BICC1: variants seen among roughly 807,000 people sequenced by gnomAD.
BICC1 encodes the protein BicC family RNA binding protein 1.
In BICC1, 43 loss-of-function variants were observed where a neutral mutation model predicts 111.0. That is an observed-to-expected ratio of 0.39 (90% CI 0.30 to 0.50). The LOEUF is 0.50. Ranked by LOEUF, BICC1 falls within the 20% of genes least tolerant of loss-of-function variation. The pLI, the probability that BICC1 is intolerant of heterozygous loss-of-function variation, is 0.88. For missense variants in BICC1, 1,091 were observed against 1,203.2 expected (o/e 0.91, Z 1.38); for synonymous variants, 467 against 434.4 (o/e 1.07, Z -0.93).
At chr10:58,710,736 T>C (rs1233223924) in intron 3 of BICC1, among the ~76,000 whole-genome samples, 1 of 152,046 alleles carries the variant, frequency 6.6e-6, no homozygotes, top group East Asian at 1.9e-4. Context: ...TACATGTATA[T>C]GTGTGTGTGT....
chr10:58,808,981 C>T (rs185783046), intron 17 of BICC1, among the ~76,000 whole-genome samples: 292 of 151,206 alleles, frequency 1.9e-3, no homozygotes, highest in Admixed American at 7.0e-3. Flanking sequence ...TCCCAAAGTG[C>T]TAGGATTACA....
intron 2 of BICC1, among the ~76,000 whole-genome samples, chr10:58,625,085 C>T (rs981860886): frequency 1.2e-4 from 18 of 152,262 alleles, no homozygotes; most frequent in Admixed American, 2.0e-4. Flanking sequence ...TTTTATTCTT[C>T]GGCTCTGACT....
intron 2 of BICC1, among the ~76,000 whole-genome samples, chr10:58,680,258 C>G (rs1378739956): frequency 6.6e-6 from 1 of 151,484 alleles, no homozygotes; most frequent in African/African-American, 2.4e-5. Flanking sequence ...AGATGACATG[C>G]CTGTATATGT....
At chr10:58,599,172 A>G (rs991791132) in intron 1 of BICC1, among the ~76,000 whole-genome samples, 8 of 152,204 alleles carry the variant, frequency 5.3e-5, no homozygotes, top group Non-Finnish European at 1.2e-4. Context: ...AGGATTATAA[A>G]TCATTCTACT....
chr10:58,804,219 A>T (rs1397329056), intron 15 of BICC1, among the ~76,000 whole-genome samples: 1 of 152,128 alleles, frequency 6.6e-6, no homozygotes. Flanking sequence ...GTCAGTGTTT[A>T]AAAAAGACAT....
intron 2 of BICC1, among the ~76,000 whole-genome samples, chr10:58,629,458 T>C (rs868710918): frequency 1.3e-5 from 2 of 152,224 alleles, no homozygotes; most frequent in Non-Finnish European, 2.9e-5. Context: ...TAATGGGCTA[T>C]GCATCTATAG....
chr10:58,652,948 A>G (rs1838497220), intron 2 of BICC1, among the ~76,000 whole-genome samples: 1 of 152,138 alleles, frequency 6.6e-6, no homozygotes, highest in Non-Finnish European at 1.5e-5. Flanking sequence ...GTACACATGG[A>G]GGCTGAGCAG....
At chr10:58,798,891 C>G (rs1843445190) in intron 11 of BICC1, among the ~76,000 whole-genome samples, 165 bp from the exon 12 acceptor site, 2 of 152,210 alleles carry the variant, frequency 1.3e-5, no homozygotes, top group South Asian at 4.2e-4. Context: ...GATTTTAACA[C>G]TCTTTTGTGT....
chr10:58,671,638 C>A (rs151231263), intron 2 of BICC1, among the ~76,000 whole-genome samples: 4 of 152,102 alleles, frequency 2.6e-5, no homozygotes, highest in African/African-American at 9.7e-5. Context: ...TTAACTACTT[C>A]CATGCTTCCC....
chr10:58,601,991 T>C (rs1845057690), intron 1 of BICC1, among the ~76,000 whole-genome samples: 1 of 152,140 alleles, frequency 6.6e-6, no homozygotes, highest in Non-Finnish European at 1.5e-5. Flanking sequence ...CAGAACTTGA[T>C]AGAGCATTGC....
chr10:58,795,883 T>A (rs576182133), intron 9 of BICC1, among the ~76,000 whole-genome samples: 1 of 152,256 alleles, frequency 6.6e-6, no homozygotes, highest in East Asian at 1.9e-4. Flanking sequence ...TTATATGTGG[T>A]CACAAGTTTG....
chr10:58,639,042 A>T (rs1838040064), intron 2 of BICC1, among the ~76,000 whole-genome samples: 1 of 152,114 alleles, frequency 6.6e-6, no homozygotes, highest in Non-Finnish European at 1.5e-5. Flanking sequence ...AATCAAGCTA[A>T]TTAACGTATG....
At chr10:58,773,130 T>A (rs951447094) in intron 3 of BICC1, among the ~76,000 whole-genome samples, 1 of 152,218 alleles carries the variant, frequency 6.6e-6, no homozygotes, top group Admixed American at 6.5e-5. Context: ...TTAGTGATTC[T>A]CTGCCGTTGT....
intron 3 of BICC1, among the ~76,000 whole-genome samples, chr10:58,751,231 C>A (rs1841983617): frequency 6.6e-6 from 1 of 152,024 alleles, no homozygotes; most frequent in Non-Finnish European, 1.5e-5. Context: ...ATCACCCATG[C>A]CTGTAACTTA....
At chr10:58,633,464 A>G (rs1837859510) in intron 2 of BICC1, among the ~76,000 whole-genome samples, 1 of 152,206 alleles carries the variant, frequency 6.6e-6, no homozygotes, top group Admixed American at 6.5e-5. Context: ...ACTTTTTTCC[A>G]CTACCTTCCT....
At chr10:58,701,842 G>A (rs933380516) in intron 2 of BICC1, among the ~76,000 whole-genome samples, 2 of 152,156 alleles carry the variant, frequency 1.3e-5, no homozygotes, top group Non-Finnish European at 2.9e-5. Context: ...ATTGTGGAGA[G>A]GAACACTGGG....
intron 3 of BICC1, among the ~76,000 whole-genome samples, chr10:58,768,778 A>G (rs559441858): frequency 1.3e-5 from 2 of 152,138 alleles, no homozygotes; most frequent in Non-Finnish European, 2.9e-5. Context: ...CCATTGTAAC[A>G]TCAAAACAGA....
chr10:58,620,941 G>A (rs2132137422), intron 2 of BICC1, 40 bp downstream of exon 2: 1 of 1,563,174 alleles, frequency 6.4e-7, no homozygotes, highest in Admixed American at 1.7e-5. Context: ...ATAAGTAAGA[G>A]GAAATATACT....
At chr10:58,697,680 TG>T (rs1840103335) in intron 2 of BICC1, among the ~76,000 whole-genome samples, 1 of 152,172 alleles carries the variant, frequency 6.6e-6, no homozygotes, top group Non-Finnish European at 1.5e-5. Flanking sequence ...ACTTGCTTAC[TG>T]CCCTATCTCC....
Sources: allele counts gnomAD v4.1 joint callset (sites outside exome capture counted in the v4.1 genomes callset), GRCh38; gene constraint gnomAD v4.1.1; transcripts MANE v1.5; gene names NCBI Gene and HGNC (gene_info 2026-07-23, HGNC 2026-07-21).